Variants in GPC6 observed in about 807,000 individuals in gnomAD.
GPC6 encodes the protein glypican 6, also known as glypican-6.
GPC6 carries 14 observed loss-of-function variants against 55.2 expected under a neutral mutation model. The ratio of observed to expected loss-of-function variants is 0.25; its 90% CI spans 0.17 to 0.40. The LOEUF (loss-of-function observed/expected upper bound fraction) is 0.40. GPC6 is among the 10% of genes least tolerant of loss of function. GPC6 has a pLI of 1.00. For missense variants in GPC6, 641 were observed against 708.5 expected (o/e 0.90, Z 1.08); for synonymous variants, 278 against 259.6 (o/e 1.07, Z -0.68).
At chr13:93,351,587 T>C (rs926069443) in intron 1 of GPC6, among the ~76,000 whole-genome samples, 3 of 152,078 alleles carry the variant, frequency 2.0e-5, no homozygotes, top group African/African-American at 4.8e-5. Flanking sequence ...AAGGAGGATA[T>C]TGAATGTTCC....
chr13:94,186,294 G>A (rs926907946), intron 4 of GPC6, among the ~76,000 whole-genome samples: 1 of 152,160 alleles, frequency 6.6e-6, no homozygotes, highest in African/African-American at 2.4e-5. Flanking sequence ...AAAACACAAA[G>A]CAGTAACTAT....
chr13:94,177,553 A>G (rs771164812), intron 4 of GPC6, among the ~76,000 whole-genome samples: 4 of 152,194 alleles, frequency 2.6e-5, no homozygotes, highest in Non-Finnish European at 5.9e-5. Flanking sequence ...AAAAAAAACA[A>G]GATATATCAA....
At chr13:94,366,411 G>A (rs1044847800) in intron 6 of GPC6, among the ~76,000 whole-genome samples, 1 of 152,132 alleles carries the variant, frequency 6.6e-6, no homozygotes, top group African/African-American at 2.4e-5. Flanking sequence ...AGGAAATATG[G>A]GGGAAATTTG....
At chr13:93,388,216 C>T (rs1297569552) in intron 1 of GPC6, among the ~76,000 whole-genome samples, 1 of 152,162 alleles carries the variant, frequency 6.6e-6, no homozygotes, top group African/African-American at 2.4e-5. Flanking sequence ...TGACCACTGC[C>T]TAATGATTCT....
At chr13:93,538,510 C>T (rs76726117) in intron 1 of GPC6, among the ~76,000 whole-genome samples, 3 of 152,162 alleles carry the variant, frequency 2.0e-5, no homozygotes, top group East Asian at 1.9e-4. Flanking sequence ...CAATTGTGCT[C>T]ACATGCCCCA....
intron 2 of GPC6, among the ~76,000 whole-genome samples, chr13:93,583,570 C>T (rs1388515571): frequency 1.3e-5 from 2 of 152,150 alleles, no homozygotes; most frequent in East Asian, 1.9e-4. Context: ...GCGCCTGCCA[C>T]CACACCCAGC....
At chr13:93,961,393 G>T (rs1212522192) in intron 3 of GPC6, among the ~76,000 whole-genome samples, 1 of 152,202 alleles carries the variant, frequency 6.6e-6, no homozygotes, top group Non-Finnish European at 1.5e-5. Context: ...ATAATGCGAA[G>T]CAGTGATTGA....
chr13:93,938,907 T>C (rs1295050359), intron 3 of GPC6, among the ~76,000 whole-genome samples: 1 of 151,916 alleles, frequency 6.6e-6, no homozygotes, highest in African/African-American at 2.4e-5. Context: ...ATGGAGACCA[T>C]CCGGGCCAAC....
At chr13:94,107,917 G>A (rs1886114929) in intron 4 of GPC6, among the ~76,000 whole-genome samples, 1 of 152,060 alleles carries the variant, frequency 6.6e-6, no homozygotes, top group Non-Finnish European at 1.5e-5. Flanking sequence ...CAGTGAAAAG[G>A]GAACAATGTA....
At chr13:94,281,090 A>G (rs1331588821) in intron 4 of GPC6, among the ~76,000 whole-genome samples, 2 of 152,302 alleles carry the variant, frequency 1.3e-5, no homozygotes, top group Middle Eastern at 3.4e-3. Flanking sequence ...TTTGGCACAT[A>G]ACAAATAGTT....
chr13:94,092,423 G>A (rs1262447674), intron 4 of GPC6, among the ~76,000 whole-genome samples: 1 of 151,954 alleles, frequency 6.6e-6, no homozygotes, highest in African/African-American at 2.4e-5. Flanking sequence ...TTCACTTAAT[G>A]TACTCTAAAT....
At position 94,153,867 on chromosome 13, in the gene GPC6, G is replaced by C. The variant is rs191342105; in HGVS notation, c.877+125973G>C. Among the ~76,000 whole-genome samples, 1,226 of 152,304 alleles carry C rather than the reference G, an allele frequency of 8.0e-3. 10 individuals carry two copies. The highest frequency in any genetic ancestry group is 0.013 in the Non-Finnish European group (896 of 68,030). On this transcript the variant is annotated intron_variant, in intron 4 of 8. Coordinates refer to ENST00000377047, the MANE Select transcript of GPC6 (RefSeq NM_005708.5). ...TGTGCAATAAATCTGAGAAGCACTA[G>C]CGTGTGTAGGTTCTACATCTCTGAG...
At chr13:94,376,593 A>G (rs1459584656) in intron 6 of GPC6, among the ~76,000 whole-genome samples, 1 of 151,310 alleles carries the variant, frequency 6.6e-6, no homozygotes, top group African/African-American at 2.4e-5. Flanking sequence ...ATGGGTAGGA[A>G]GAATCAATAT....
chr13:93,907,651 AG>A (rs1478482899), intron 3 of GPC6, among the ~76,000 whole-genome samples: 3 of 152,190 alleles, frequency 2.0e-5, no homozygotes, highest in Non-Finnish European at 4.4e-5. Context: ...AATTAGTTTA[AG>A]GATACCCAGC....
chr13:93,531,921 G>A (rs1784568303), intron 1 of GPC6, among the ~76,000 whole-genome samples: 1 of 152,152 alleles, frequency 6.6e-6, no homozygotes, highest in South Asian at 2.1e-4. Context: ...TAGGGAAATG[G>A]AAAGTAAGGA....
chr13:93,433,334 T>C (rs1322214020), intron 1 of GPC6, among the ~76,000 whole-genome samples: 1 of 152,196 alleles, frequency 6.6e-6, no homozygotes, highest in African/African-American at 2.4e-5. Context: ...TTAGCCAGTC[T>C]GCTTTTGCCA....
In GPC6 at chr13:93,227,085, G is replaced by T. The variant is rs976130701; in HGVS notation, c.-372G>T. The T allele has an allele frequency of 1.2e-5, 2 of 168,434 alleles. No individual in the cohort carries two copies. Among genetic ancestry groups the T allele is most frequent in the Admixed American group, 1.3e-4 (2 of 15,852 alleles). The allele number at this position is 168,434 out of a possible 1,614,324, so 10.4% of individuals were successfully genotyped here. A position where few individuals can be genotyped will look rare whatever the true frequency, so the allele number is the denominator to read the frequency against. ...TTTGCCGCACACTCCGGCGAGCCGA[G>T]CCCGCAGCGCTCCAGGATTCTGCGG... On this transcript the variant is annotated 5_prime_UTR_variant, in exon 1 of 9. Transcript: ENST00000377047. The surrounding 1 kb of genome is among the most constrained non-coding windows in gnomAD (Gnocchi z 4.3).
At chr13:93,459,592 G>A (rs1388485636) in intron 1 of GPC6, among the ~76,000 whole-genome samples, 1 of 152,096 alleles carries the variant, frequency 6.6e-6, no homozygotes. Context: ...TTACATAGAC[G>A]AGTTCAGAGA....
intron 1 of GPC6, among the ~76,000 whole-genome samples, chr13:93,362,976 C>A (rs1881094976): frequency 6.6e-6 from 1 of 152,034 alleles, no homozygotes; most frequent in Admixed American, 6.6e-5. Flanking sequence ...CAGGTCAGAA[C>A]AGTCTGAATT....
Sources: allele counts gnomAD v4.1 joint callset (sites outside exome capture counted in the v4.1 genomes callset), GRCh38; gene constraint gnomAD v4.1.1; non-coding constraint Gnocchi (gnomAD v3.1); transcripts MANE v1.5; gene names NCBI Gene and HGNC (gene_info 2026-07-23, HGNC 2026-07-21).